Variants in BPIFB4 observed in about 807,000 individuals in gnomAD.
BPIFB4 encodes BPI fold-containing family B member 4.
In BPIFB4, 62 loss-of-function variants were observed where a neutral mutation model predicts 69.2. The observed-to-expected ratio is 0.90, with a 90% CI of 0.73 to 1.11. BPIFB4 has a LOEUF of 1.11. Among genes scored for constraint, BPIFB4 ranks in the 50% least tolerant of loss-of-function variants. The pLI, the probability that BPIFB4 is intolerant of heterozygous loss-of-function variation, is 0.00. For synonymous variants in BPIFB4, 330 were observed against 332.7 expected (o/e 0.99, Z 0.09); for missense variants, 789 against 792.0 (o/e 1.00, Z 0.04).
At chr20:33,110,751 ATT>A (rs200479862) in intron 17 of BPIFB4, among the ~76,000 whole-genome samples, 56 of 111,458 alleles carry the variant, frequency 5.0e-4, no homozygotes, top group African/African-American at 1.2e-3. Context: ...AGACTCACGA[ATT>A]TTTTTTTTTT....
At chr20:33,102,815 T>A (rs1185100627) in intron 14 of BPIFB4, among the ~76,000 whole-genome samples, 157 bp from the exon 15 acceptor site, 23 of 152,190 alleles carry the variant, frequency 1.5e-4, no homozygotes, top group Admixed American at 1.5e-3. Context: ...TAGTTAGCGC[T>A]CAGCATGTGA....
At chr20:33,110,276 T>C (rs1982197556) in intron 17 of BPIFB4, among the ~76,000 whole-genome samples, 1 of 152,174 alleles carries the variant, frequency 6.6e-6, no homozygotes, top group Non-Finnish European at 1.5e-5. Flanking sequence ...GCCTATTTTG[T>C]GCGATATGCC....
intron 16 of BPIFB4, among the ~76,000 whole-genome samples, chr20:33,106,679 G>A (rs988412865): frequency 2.6e-5 from 4 of 152,168 alleles, no homozygotes; most frequent in African/African-American, 7.2e-5. Context: ...TGTGGTGGGC[G>A]TGACAGATAC....
chr20:33,105,381 G>A (rs1256042379), intron 16 of BPIFB4, among the ~76,000 whole-genome samples: 1 of 152,098 alleles, frequency 6.6e-6, no homozygotes, highest in African/African-American at 2.4e-5. Flanking sequence ...TGCTCTTATC[G>A]ACATCCCCAG....
intron 16 of BPIFB4, among the ~76,000 whole-genome samples, chr20:33,105,112 A>C (rs1436462251): frequency 5.3e-5 from 8 of 152,040 alleles, no homozygotes; most frequent in Non-Finnish European, 1.0e-4. Flanking sequence ...ATCTATGAAA[A>C]TTCCGATTAT....
In BPIFB4 at chr20:33,086,121, T is replaced by C. The variant is rs557534278; in HGVS notation, c.883T>C (p.Cys295Arg). The C allele has an allele frequency of 3.1e-6, 5 of 1,613,264 alleles. No individual in the cohort carries two copies. The South Asian group carries it at 5.5e-5, about 18-fold the overall frequency. ...TGYPRLVIER[C>R]DTLLGGIKVK... ...TTATCCTCGGCTGGTCATTGAGCGA[T>C]GTGACACCCTCCTAGGGGGCATCAA... is the stretch of plus-strand genomic sequence containing the variant. Residue 295 changes from cysteine to arginine, a missense_variant, in exon 7 of 18, where the codon TGT (cysteine) becomes CGT (arginine). By Grantham distance (180) the Cys-to-Arg change is radical. Around this residue, in one of 3 missense-constraint regions of BPIFB4, gnomAD observed 611 missense variants for 575.4 expected, o/e 1.06. Coordinates refer to ENST00000375483, the MANE Select transcript of BPIFB4 (RefSeq NM_182519.3).
intron 12 of BPIFB4, among the ~76,000 whole-genome samples, chr20:33,095,854 A>G (rs1184938214): frequency 1.3e-5 from 2 of 152,156 alleles, no homozygotes; most frequent in Non-Finnish European, 1.5e-5. Flanking sequence ...CTTTTGTCCA[A>G]TTAGTGACCA....
At chr20:33,094,642 G>T (rs1310746625) in intron 11 of BPIFB4, among the ~76,000 whole-genome samples, 1 of 152,052 alleles carries the variant, frequency 6.6e-6, no homozygotes, top group Non-Finnish European at 1.5e-5. Flanking sequence ...AAGTAGCTGG[G>T]ATTACAGGCA....
rs375877306 is a variant in BPIFB4 at position 33,104,936 on chromosome 20, T to C, written c.1744+63T>C. 3,486 of 1,509,276 alleles carry C rather than the reference T, an allele frequency of 2.3e-3. 10 individuals carry two copies. Among genetic ancestry groups the C allele is most frequent in the Non-Finnish European group, 3.1e-3 (3,321 of 1,087,206 alleles). The allele number at this position is 1,509,276 out of a possible 1,614,324, so 93.5% of individuals were successfully genotyped here. A position where few individuals can be genotyped will look rare whatever the true frequency, so the allele number is the denominator to read the frequency against. ...GCTTGGGTACTGGGGGATACTGGCT[T>C]GTTGGGCATGCTGGATGTGCATCTA... On this transcript the variant is annotated intron_variant, in intron 16 of 17. Transcript: ENST00000375483.
Position 33,083,724 on chromosome 20 carries a change from G to A in BPIFB4, c.527G>A (p.Gly176Asp). The change falls in exon 5 of 18, where the codon GGC becomes GAC. Residue 176 changes from glycine to aspartate, a missense_variant. Gly to Asp is a moderately conservative substitution (Grantham distance 94). This residue lies in a region of BPIFB4 where 611 missense variants were observed against 575.4 expected (regional missense o/e 1.06). Transcript: ENST00000375483. ...VGPGGLLGTG[G>D]MLAADGILAG... is the part of the protein sequence containing the mutation. Reference sequence around the variant, plus strand: ...CCAGGTGGTTTGCTGGGCACTGGAGGCATGCTGGCAGCTGATGGCATCCTC... The same window carrying A: ...CCAGGTGGTTTGCTGGGCACTGGAGACATGCTGGCAGCTGATGGCATCCTC... The A allele has an allele frequency of 6.2e-7, 1 of 1,614,066 alleles. No homozygotes were observed. The highest frequency in any genetic ancestry group is 8.5e-7 in the Non-Finnish European group (1 of 1,179,978).
chr20:33,094,668 G>A (rs1257355087), intron 11 of BPIFB4, among the ~76,000 whole-genome samples: 8 of 151,926 alleles, frequency 5.3e-5, no homozygotes, highest in African/African-American at 9.7e-5. Flanking sequence ...CATCATGCCC[G>A]GCTAATTTTT....
chr20:33,087,648 A>T (rs760578302), intron 7 of BPIFB4, among the ~76,000 whole-genome samples: 3 of 151,756 alleles, frequency 2.0e-5, no homozygotes, highest in Non-Finnish European at 2.9e-5. Context: ...AACCTGTTGG[A>T]TAATTTCCCA....
Position 33,111,707 on chromosome 20 carries a change from G to A in BPIFB4, c.*270G>A, listed in dbSNP as rs1982244300. Reference sequence around the variant, plus strand: ...CCTCTCAGACCCCATCCTGACAGCAGGTTGAGTATTCCCACTTTCAATAAA... The same window carrying A: ...CCTCTCAGACCCCATCCTGACAGCAAGTTGAGTATTCCCACTTTCAATAAA... On this transcript the variant is annotated 3_prime_UTR_variant, in exon 18 of 18. Coordinates refer to ENST00000375483, the MANE Select transcript of BPIFB4 (RefSeq NM_182519.3). 1 of 474,354 alleles carries A rather than the reference G, an allele frequency of 2.1e-6. No homozygotes were observed. Among genetic ancestry groups the A allele is most frequent in the Admixed American group, 3.2e-5 (1 of 31,084 alleles). The allele number at this position is 474,354 out of a possible 1,614,324, so 29.4% of individuals were successfully genotyped here.
In BPIFB4 at chr20:33,100,474, A is replaced by G. The variant is rs1291822956; in HGVS notation, c.1618A>G (p.Ile540Val). ...TTCCACAGAAGGAGATAAGCTCATGATTGATGCCAAGCTGGAGAAGTAAGG... is the reference window on the plus strand; with the variant it reads ...TTCCACAGAAGGAGATAAGCTCATGGTTGATGCCAAGCTGGAGAAGTAAGG... ...SFSTEGDKLM[I>V]DAKLEKTSLN... Residue 540 changes from isoleucine (I) to valine (V), a missense_variant, in exon 14 of 18, where the codon ATT becomes GTT. Transcript: ENST00000375483. 6.2e-7 allele frequency: 1 copy of G among 1,608,098 alleles called. No homozygotes were observed. Among genetic ancestry groups the G allele is most frequent in the Admixed American group, 1.7e-5 (1 of 60,018 alleles).
At chr20:33,085,535 T>G (rs1981398862) in intron 6 of BPIFB4, among the ~76,000 whole-genome samples, 1 of 152,236 alleles carries the variant, frequency 6.6e-6, no homozygotes. Flanking sequence ...TCATAAGCTG[T>G]GTGACCTTGG....
chr20:33,099,445 C>T (rs1361700935), intron 13 of BPIFB4, among the ~76,000 whole-genome samples: 7 of 152,204 alleles, frequency 4.6e-5, no homozygotes, highest in Non-Finnish European at 1.0e-4. Context: ...TGTGAGCCAG[C>T]CCAGCACCCT....
intron 6 of BPIFB4, among the ~76,000 whole-genome samples, chr20:33,085,706 A>C (rs1463713677): frequency 6.6e-6 from 1 of 152,198 alleles, no homozygotes; most frequent in Non-Finnish European, 1.5e-5. Flanking sequence ...AGAGGACCTC[A>C]GAGGGTGGGC....
At chr20:33,084,234 C>T (rs946388049) in intron 5 of BPIFB4, among the ~76,000 whole-genome samples, 2 of 152,336 alleles carry the variant, frequency 1.3e-5, no homozygotes, top group African/African-American at 4.8e-5. Context: ...TATGCTCAGC[C>T]TGTTCCTCAT....
rs747720586 is a variant in BPIFB4 at position 33,092,589 on chromosome 20, C to T, written c.1275C>T (p.Asn425=). ...NTKSQLAMSA[N]FLGSVLTLLQ... is the part of the protein sequence containing the mutation. ...AGTCCCAGCTGGCCATGTCTGCCAACTTCCTGGGCTCAGTGCTGACTCTAC... is the reference window on the plus strand; with the variant it reads ...AGTCCCAGCTGGCCATGTCTGCCAATTTCCTGGGCTCAGTGCTGACTCTAC... The change falls in exon 11 of 18, where the codon AAC becomes AAT. Residue 425 remains asparagine (N), a synonymous_variant. Transcript: ENST00000375483. 12 of 1,613,956 alleles carry T rather than the reference C, an allele frequency of 7.4e-6. No homozygotes were observed. The South Asian group carries it at 1.3e-4, about 18-fold the overall frequency.
Sources: allele counts gnomAD v4.1 joint callset (sites outside exome capture counted in the v4.1 genomes callset), GRCh38; gene constraint gnomAD v4.1.1; regional missense constraint gnomAD v4.1.1; transcripts MANE v1.5; gene names NCBI Gene and HGNC (gene_info 2026-07-23, HGNC 2026-07-21).